The following FGF14 variants were observed in gnomAD, a reference collection of about 807,000 sequenced individuals.
FGF14 encodes fibroblast growth factor homologous factor 4.
FGF14 carries 5 observed loss-of-function variants against 25.5 expected under a neutral mutation model. The observed-to-expected ratio is 0.20, with a 90% CI of 0.10 to 0.41. The LOEUF (loss-of-function observed/expected upper bound fraction) is 0.41, where lower values mean the gene tolerates loss of function less well. FGF14 is among the 10% of genes least tolerant of loss of function. FGF14 has a pLI of 1.00. For synonymous variants in FGF14, 138 were observed against 118.3 expected (o/e 1.17, Z -1.08); for missense variants, 222 against 320.1 (o/e 0.69, Z 2.34).
At position 102,312,870 on chromosome 13, in the gene FGF14, A is replaced by T. The variant is rs371112352; in HGVS notation, c.208+88601T>A. On this transcript the variant is annotated intron_variant, in intron 1 of 4. Transcript: ENST00000376131. ...TCTTCCATCGAAGCCCTACTTCTGG[A>T]CTCCGTCCACAGCCCCAGATATCCC... Among the ~76,000 whole-genome samples, 253 of 152,276 alleles carry T rather than the reference A, an allele frequency of 1.7e-3. 2 individuals are homozygous for T. Among genetic ancestry groups the T allele is most frequent in the African/African-American group, 5.6e-3 (233 of 41,566 alleles).
rs150382547 is a variant in FGF14 at position 102,099,989 on chromosome 13, T to A, written c.209-224693A>T. Among the ~76,000 whole-genome samples, 1,365 of 152,264 alleles carry A rather than the reference T, an allele frequency of 9.0e-3. 12 individuals are homozygous for A. The highest frequency in any genetic ancestry group is 0.014 in the Middle Eastern group (4 of 294). On this transcript the variant is annotated intron_variant, in intron 1 of 4. Transcript: ENST00000376131. ...GCAAAAATTAGACTCATGTCTTAAA[T>A]TGAGGCTTAGACAACTATAGACATG... is the stretch of plus-strand genomic sequence containing the variant.
chr13:102,359,448 T>G (rs1007339217), intron 1 of FGF14, among the ~76,000 whole-genome samples: 11 of 152,226 alleles, frequency 7.2e-5, no homozygotes, highest in Non-Finnish European at 1.5e-4. Context: ...TGGCCACATT[T>G]TGATGATGTA....
chr13:101,923,085 T>C (rs2034121026), intron 1 of FGF14, among the ~76,000 whole-genome samples: 2 of 152,116 alleles, frequency 1.3e-5, no homozygotes, highest in Non-Finnish European at 2.9e-5. Flanking sequence ...TATGTTATTT[T>C]ATAGATTATA....
intron 1 of FGF14, among the ~76,000 whole-genome samples, chr13:102,058,947 T>TAA (rs55849646): frequency 0.059 from 8,404 of 143,422 alleles, 586 homozygotes; most frequent in African/African-American, 0.17. Context: ...CAGTCTTAAC[T>TAA]AAAAAAAAAA....
At chr13:101,744,880 G>GA (rs1259736246) in intron 3 of FGF14, among the ~76,000 whole-genome samples, 3 of 151,952 alleles carry the variant, frequency 2.0e-5, no homozygotes, top group Non-Finnish European at 2.9e-5. Flanking sequence ...TGGGGTTCAT[G>GA]AATAATCAAA....
chr13:102,321,758 A>G (rs2056252211), intron 1 of FGF14, among the ~76,000 whole-genome samples: 1 of 152,248 alleles, frequency 6.6e-6, no homozygotes, highest in South Asian at 2.1e-4. Flanking sequence ...AGCATTAAGT[A>G]TATGATGACT....
chr13:101,794,493 C>G (rs8000523), intron 3 of FGF14, among the ~76,000 whole-genome samples: 5,920 of 152,092 alleles, frequency 0.039, 183 homozygotes, highest in African/African-American at 0.069. Context: ...AGGGCCAAAT[C>G]GCAAGCATTT....
At chr13:102,257,738 C>T (rs183311504) in intron 1 of FGF14, among the ~76,000 whole-genome samples, 12 of 152,218 alleles carry the variant, frequency 7.9e-5, no homozygotes, top group African/African-American at 2.9e-4. Flanking sequence ...TGCCACTAAG[C>T]CACAAGGAAA....
intron 1 of FGF14, among the ~76,000 whole-genome samples, chr13:102,039,629 A>T (rs1325033905): frequency 6.6e-6 from 1 of 152,158 alleles, no homozygotes; most frequent in African/African-American, 2.4e-5. Flanking sequence ...TCTTATAAAG[A>T]TAACAGTCAT....
intron 1 of FGF14, among the ~76,000 whole-genome samples, chr13:102,098,395 G>T (rs1267229521): frequency 6.6e-6 from 1 of 152,092 alleles, no homozygotes; most frequent in Non-Finnish European, 1.5e-5. Context: ...TCATTTTTTT[G>T]TGAGTAAAAT....
At chr13:102,253,722 T>C (rs889427900) in intron 1 of FGF14, among the ~76,000 whole-genome samples, 1 of 152,212 alleles carries the variant, frequency 6.6e-6, no homozygotes. Context: ...TCTTTATGGG[T>C]TTTTTTCCCC....
intron 1 of FGF14, among the ~76,000 whole-genome samples, chr13:102,067,350 T>C (rs905796666): frequency 6.6e-6 from 1 of 152,158 alleles, no homozygotes; most frequent in Non-Finnish European, 1.5e-5. Flanking sequence ...TAACACTTTT[T>C]TATTATTTCA....
intron 1 of FGF14, among the ~76,000 whole-genome samples, chr13:101,923,253 A>G (rs555319185): frequency 3.9e-5 from 6 of 152,196 alleles, no homozygotes; most frequent in African/African-American, 1.4e-4. Flanking sequence ...ATTTTTCAAC[A>G]TCTCCAAAAT....
At chr13:101,786,632 G>T (rs74669295) in intron 3 of FGF14, among the ~76,000 whole-genome samples, 37 of 152,076 alleles carry the variant, frequency 2.4e-4, no homozygotes, top group Middle Eastern at 3.4e-3. Context: ...AATCAAATTG[G>T]ATTAGGGCCC....
intron 1 of FGF14, among the ~76,000 whole-genome samples, chr13:102,033,659 A>C (rs2041326662): frequency 6.6e-6 from 1 of 152,172 alleles, no homozygotes; most frequent in Admixed American, 6.6e-5. Context: ...CTGAAACATA[A>C]GCTTAAGAAA....
intron 3 of FGF14, among the ~76,000 whole-genome samples, chr13:101,777,797 A>C (rs1169080486): frequency 6.6e-6 from 1 of 152,096 alleles, no homozygotes; most frequent in Non-Finnish European, 1.5e-5. Flanking sequence ...CCCCATCTCT[A>C]TTAAAAATGC....
intron 1 of FGF14, among the ~76,000 whole-genome samples, chr13:102,089,165 GCATT>G (rs1408233077): frequency 1.3e-5 from 2 of 151,988 alleles, no homozygotes; most frequent in Non-Finnish European, 2.9e-5. Context: ...ATATTTGTTT[GCATT>G]CATTTGAGTC....
At chr13:101,782,323 A>G (rs1409741017) in intron 3 of FGF14, among the ~76,000 whole-genome samples, 2 of 152,210 alleles carry the variant, frequency 1.3e-5, no homozygotes, top group East Asian at 3.8e-4. Context: ...CCAATATCAT[A>G]TTTCAAATCC....
Position 101,716,513 on chromosome 13 carries a change from G to A in FGF14, c.*6318C>T, listed in dbSNP as rs1594012189. On this transcript the variant is annotated 3_prime_UTR_variant, in exon 5 of 5. Coordinates refer to ENST00000376143, the MANE Select transcript of FGF14 (RefSeq NM_004115.4). ...TTGTTATTCAGGGATATCTATTTTAGGTTTCTAGAAATAAGGGATCACATT... is the reference window on the plus strand; with the variant it reads ...TTGTTATTCAGGGATATCTATTTTAAGTTTCTAGAAATAAGGGATCACATT... 1 of 151,988 alleles carries A rather than the reference G, an allele frequency of 6.6e-6. No individual in the cohort carries two copies. Among genetic ancestry groups the A allele is most frequent in the Non-Finnish European group, 1.5e-5 (1 of 67,998 alleles). The allele number at this position is 151,988 out of a possible 1,614,324, so 9.4% of individuals were successfully genotyped here. A position where few individuals can be genotyped will look rare whatever the true frequency, so the allele number is the denominator to read the frequency against.
Sources: gnomAD v4.1 joint callset for allele counts (sites outside exome capture counted in the v4.1 genomes callset) on GRCh38, gnomAD v4.1.1 for gene constraint, MANE v1.5 for transcripts, NCBI Gene and HGNC (gene_info 2026-07-23, HGNC 2026-07-21) for gene names.